Variants in FAAP20 observed in about 807,000 individuals in gnomAD.
The protein encoded by FAAP20 is Fanconi anemia core complex-associated protein 20.
A neutral mutation model predicts 16.2 loss-of-function variants in FAAP20; 12 were observed. That is an observed-to-expected ratio of 0.74 (90% CI 0.48 to 1.20). The LOEUF is 1.20. Among genes scored for constraint, FAAP20 ranks in the 50% most tolerant of loss-of-function variants. The probability of loss-of-function intolerance (pLI) is 0.00; values close to 1 mark genes in which losing one functional copy is unlikely to be tolerated. For missense variants in FAAP20, 288 were observed against 245.8 expected (o/e 1.17, Z -1.15); for synonymous variants, 141 against 110.7 (o/e 1.27, Z -1.72).
upstream of FAAP20, chr1:2,203,438 G>A (rs1689124391): frequency 2.0e-6 from 2 of 985,674 alleles, no homozygotes; most frequent in Non-Finnish European, 2.4e-6. Context: ...AGCCTCACCG[G>A]TGCAGGCCAC....
chr1:2,199,151 T>C, upstream of FAAP20: 1 of 1,181,876 alleles, frequency 8.5e-7, no homozygotes. This position sits in a 1 kb window ranked among gnomAD's most constrained non-coding sequence, Gnocchi z 4.5. Flanking sequence ...CGGTCCTGTT[T>C]CTGAACCCCA....
chr1:2,192,977 T>G lies in FAAP20; in HGVS notation c.470+662A>C, dbSNP rs1026233816. On this transcript the variant is annotated intron_variant, in intron 3 of 3. Coordinates refer to ENST00000378546, the MANE Select transcript of FAAP20 (RefSeq NM_182533.4). ...CGCATTCCCGAGCTGTTTTTGCTTC[T>G]GGAAGACCAGGGGCATCAGGCATGA... The G allele has an allele frequency of 6.9e-6, 9 of 1,303,980 alleles. No homozygotes were observed. In the African/African-American group the frequency reaches 1.2e-4, roughly 18 times the overall value. The allele number at this position is 1,303,980 out of a possible 1,614,324, so 80.8% of individuals were successfully genotyped here.
chr1:2,193,675 C>T lies in FAAP20; in HGVS notation c.434G>A (p.Arg145His), dbSNP rs1402629163. The T allele has an allele frequency of 8.1e-6, 13 of 1,600,862 alleles. No individual in the cohort carries two copies. Among genetic ancestry groups the T allele is most frequent in the South Asian group, 1.1e-5 (1 of 89,884 alleles). ...QPSVEGAAAL[R>H]SCPMCQKEFA... ...CTCCTTCTGGCACATGGGGCAGCTG[C>T]GCAGGGCCGCGGCACCCTCCACAGA... is the stretch of plus-strand genomic sequence containing the variant. Residue 145 changes from arginine (R) to histidine (H), a missense_variant, in exon 3 of 4, where the codon CGC becomes CAC. Transcript: ENST00000378546.
upstream of FAAP20, among the ~76,000 whole-genome samples, chr1:2,197,530 C>G (rs1378489430): frequency 6.6e-6 from 1 of 152,194 alleles, no homozygotes; most frequent in Non-Finnish European, 1.5e-5. Flanking sequence ...AGCTGGGGGG[C>G]CCCCATCCCC....
chr1:2,196,570 T>A (rs562548742), upstream of FAAP20, among the ~76,000 whole-genome samples: 3 of 147,992 alleles, frequency 2.0e-5, no homozygotes, highest in East Asian at 5.9e-4. The surrounding 1 kb of genome is among the most constrained non-coding windows in gnomAD (Gnocchi z 4.5). Context: ...CCAGGTGTGG[T>A]GGCTCAAGCC....
chr1:2,203,839 A>G (rs963823003), upstream of FAAP20: 1 of 166,300 alleles, frequency 6.0e-6, no homozygotes, highest in Non-Finnish European at 1.2e-5. Context: ...AGATGGGTCA[A>G]CTGAGGCCCG....
At chr1:2,210,007 C>T (rs988957255), downstream of FAAP20, among the ~76,000 whole-genome samples, 1 of 152,212 alleles carries the variant, frequency 6.6e-6, no homozygotes, top group Non-Finnish European at 1.5e-5. Context: ...CTTCCCAGCA[C>T]CTCACCCTGG....
chr1:2,200,531 A>G (rs1185689926), upstream of FAAP20: 2 of 730,626 alleles, frequency 2.7e-6, no homozygotes, highest in Non-Finnish European at 3.3e-6. Context: ...GCAGCCACCC[A>G]GAGCCTTTAG....
downstream of FAAP20, among the ~76,000 whole-genome samples, chr1:2,209,197 G>A (rs1466404827): frequency 6.6e-6 from 1 of 151,864 alleles, no homozygotes; most frequent in African/African-American, 2.4e-5. Context: ...GCATCCTGCA[G>A]GGACCAAGCA....
downstream of FAAP20, among the ~76,000 whole-genome samples, chr1:2,208,956 C>T (rs1025350926): frequency 2.6e-5 from 4 of 152,220 alleles, no homozygotes; most frequent in African/African-American, 9.6e-5. Context: ...CCTCAGGGAG[C>T]CCTCACAGCT....
At chr1:2,194,851 C>A (rs1401736082), upstream of FAAP20, 1 of 1,031,888 alleles carries the variant, frequency 9.7e-7, no homozygotes, top group Non-Finnish European at 1.2e-6. Context: ...GCGAGGCCGC[C>A]CCCCTCCGAG....
chr1:2,193,960 A>G (rs755564896), intron 2 of FAAP20, 38 bp downstream of exon 2: 3 of 1,612,220 alleles, frequency 1.9e-6, no homozygotes, highest in Non-Finnish European at 2.5e-6. Flanking sequence ...CCCGCCCTGG[A>G]AACCCCTTCA....
downstream of FAAP20, chr1:2,186,110 A>G (rs1687552631): frequency 2.2e-6 from 1 of 452,596 alleles, no homozygotes; most frequent in African/African-American, 2.0e-5. Context: ...TCCCTGGGAG[A>G]GGGGGTCGCG....
chr1:2,203,213 C>T (rs916810591), upstream of FAAP20, among the ~76,000 whole-genome samples: 1 of 152,206 alleles, frequency 6.6e-6, no homozygotes, highest in African/African-American at 2.4e-5. Flanking sequence ...CAGAACAGGC[C>T]CTTCGCCTGC....
At chr1:2,187,910 G>T (rs1401358915), downstream of FAAP20, among the ~76,000 whole-genome samples, 2 of 152,146 alleles carry the variant, frequency 1.3e-5, no homozygotes, top group African/African-American at 4.8e-5. Context: ...CCTGTGCTCC[G>T]CCTGTGCCTT....
At chr1:2,200,914 G>A (rs1263746171), upstream of FAAP20, 8 of 1,126,916 alleles carry the variant, frequency 7.1e-6, no homozygotes, top group African/African-American at 1.1e-4. Context: ...GGGAAGGTCT[G>A]GCTTCTCGGC....
downstream of FAAP20, chr1:2,187,005 T>C (rs1267261559): frequency 3.3e-6 from 1 of 304,938 alleles, no homozygotes; most frequent in Non-Finnish European, 7.0e-6. Context: ...AAAATCCTGA[T>C]ATTTGCTAAT....
At chr1:2,197,870 T>C (rs1572127639), upstream of FAAP20, 1 of 958,180 alleles carries the variant, frequency 1.0e-6, no homozygotes, top group Non-Finnish European at 1.4e-6. Context: ...GTGCCTCCAC[T>C]TGTCAGGAAG....
chr1:2,197,802 CAG>C (rs1483618893), upstream of FAAP20, among the ~76,000 whole-genome samples: 1 of 152,224 alleles, frequency 6.6e-6, no homozygotes, highest in Admixed American at 6.5e-5. Context: ...GACCTACAGC[CAG>C]AGATAAGTCC....
Sources: gnomAD v4.1 joint callset for allele counts (sites outside exome capture counted in the v4.1 genomes callset) on GRCh38, gnomAD v4.1.1 for gene constraint, Gnocchi (gnomAD v3.1) non-coding constraint, MANE v1.5 for transcripts, NCBI Gene and HGNC (gene_info 2026-07-23, HGNC 2026-07-21) for gene names.